MET: variants seen among roughly 807,000 people sequenced by gnomAD.
MET encodes the protein MET proto-oncogene, receptor tyrosine kinase.
MET carries 48 observed loss-of-function variants against 133.1 expected under a neutral mutation model. That is an observed-to-expected ratio of 0.36 (90% confidence interval 0.29 to 0.46). The LOEUF is 0.46. MET is among the 20% of genes least tolerant of loss of function. The probability of loss-of-function intolerance (pLI) is 1.00; values close to 1 mark genes in which losing one functional copy is unlikely to be tolerated. For synonymous variants in MET, 628 were observed against 616.5 expected (o/e 1.02, Z -0.28); for missense variants, 1,442 against 1,695.9 (o/e 0.85, Z 2.63).
At chr7:116,756,940 T>C (rs1794201102) in intron 6 of MET, among the ~76,000 whole-genome samples, 1 of 152,088 alleles carries the variant, frequency 6.6e-6, no homozygotes, top group Non-Finnish European at 1.5e-5. Context: ...ATGTAAAGTT[T>C]AGTATAAGCA....
At chr7:116,713,123 C>T (rs1247646572) in intron 2 of MET, among the ~76,000 whole-genome samples, 5 of 152,126 alleles carry the variant, frequency 3.3e-5, no homozygotes, top group African/African-American at 9.7e-5. Flanking sequence ...AGGCCGGGCG[C>T]GGTGGCTCAC....
chr7:116,752,111 G>A (rs1781949106), intron 5 of MET, among the ~76,000 whole-genome samples: 1 of 152,036 alleles, frequency 6.6e-6, no homozygotes, highest in South Asian at 2.1e-4. Context: ...TGAGACAACA[G>A]AACTATTCAT....
At chr7:116,763,355 C>G (rs1384366777) in intron 11 of MET, 87 bp downstream of exon 11, 2 of 1,208,106 alleles carry the variant, frequency 1.7e-6, no homozygotes, top group African/African-American at 1.5e-5. Context: ...TTGTACTTGG[C>G]CATTGTATCT....
At chr7:116,792,437 G>A (rs980048758) in intron 19 of MET, among the ~76,000 whole-genome samples, 4 of 41,628 alleles carry the variant, frequency 9.6e-5, no homozygotes, top group Non-Finnish European at 1.8e-4. Context: ...CCTCACCCCC[G>A]ACCCCCCCTC....
rs910873191 is a variant in MET at position 116,763,052 on chromosome 7, A to C, written c.2367A>C (p.Ala789=). 2.5e-6 allele frequency: 4 copies of C among 1,613,386 alleles called. No individual in the cohort carries two copies. Among genetic ancestry groups the C allele is most frequent in the African/African-American group, 2.7e-5 (2 of 74,912 alleles). ...TGGATAATTGTGTCTTTCTCTAGGC[A>C]TGTCAACATCGCTCTAATTCAGAGA... ...VHEAGRNFTV[A]CQHRSNSEII... Residue 789 remains alanine, a splice_region_variant and synonymous_variant, in exon 11 of 21, where the codon GCA becomes GCC. Coordinates refer to ENST00000397752, the MANE Select transcript of MET (RefSeq NM_000245.4).
At chr7:116,714,601 G>T (rs553631537) in intron 2 of MET, among the ~76,000 whole-genome samples, 1 of 152,126 alleles carries the variant, frequency 6.6e-6, no homozygotes, top group African/African-American at 2.4e-5. Context: ...TCAATCTTTT[G>T]TCTCCCTATG....
chr7:116,793,653 C>A (rs1795582798), intron 19 of MET, among the ~76,000 whole-genome samples: 1 of 151,790 alleles, frequency 6.6e-6, no homozygotes, highest in African/African-American at 2.4e-5. Flanking sequence ...AATCCCAGCA[C>A]TTTGGGAGGC....
At chr7:116,743,306 G>A (rs1793536036) in intron 5 of MET, among the ~76,000 whole-genome samples, 1 of 152,244 alleles carries the variant, frequency 6.6e-6, no homozygotes, top group Non-Finnish European at 1.5e-5. Flanking sequence ...AAACTGGGCG[G>A]CCATTTGGGC....
chr7:116,778,643 ACT>A (rs1279655452), intron 16 of MET, 131 bp from the exon 17 acceptor site: 7 of 948,610 alleles, frequency 7.4e-6, no homozygotes, highest in African/African-American at 1.6e-5. Flanking sequence ...TAAAAAGAAC[ACT>A]CTGCAGTCAA....
rs1795068335 is a variant in MET at position 116,778,820 on chromosome 7, A to G, written c.3385A>G (p.Ile1129Val). The G allele has an allele frequency of 1.2e-6, 2 of 1,614,076 alleles. No individual in the cohort carries two copies. The highest frequency in any genetic ancestry group is 1.7e-6 in the Non-Finnish European group (2 of 1,179,982). Reference sequence around the variant, plus strand: ...AGTTTCCCAATTTCTGACCGAGGGAATCATCATGAAAGATTTTAGTCATCC... The same window carrying G: ...AGTTTCCCAATTTCTGACCGAGGGAGTCATCATGAAAGATTTTAGTCATCC... The part of the protein sequence containing the change: ...GEVSQFLTEG[I>V]IMKDFSHPNV... The change falls in exon 17 of 21, where the codon ATC (isoleucine) becomes GTC (valine). Residue 1129 changes from isoleucine to valine, a missense_variant. Physicochemically the swap from Ile to Val is conservative, Grantham distance 29. Transcript: ENST00000397752.
intron 12 of MET, among the ~76,000 whole-genome samples, chr7:116,770,537 C>T (rs900859752): frequency 2.0e-5 from 3 of 151,946 alleles, no homozygotes; most frequent in Admixed American, 6.6e-5. Flanking sequence ...TTTTCGTCAC[C>T]CCAAACAGAT....
intron 2 of MET, among the ~76,000 whole-genome samples, chr7:116,701,544 T>G (rs1388200051): frequency 6.6e-6 from 1 of 152,176 alleles, no homozygotes; most frequent in East Asian, 1.9e-4. Flanking sequence ...GTTCATCTTT[T>G]GGTGAACTAA....
chr7:116,784,419 A>G (rs191833020), intron 19 of MET, among the ~76,000 whole-genome samples: 292 of 152,262 alleles, frequency 1.9e-3, no homozygotes, highest in African/African-American at 6.8e-3. Flanking sequence ...ATAAAAAGAG[A>G]TTTAATTGGC....
intron 1 of MET, among the ~76,000 whole-genome samples, chr7:116,682,731 C>T (rs949102878): frequency 3.4e-4 from 52 of 152,154 alleles, no homozygotes; most frequent in African/African-American, 1.2e-3. Context: ...CAATTCATAG[C>T]ACCTGATTCT....
intron 2 of MET, among the ~76,000 whole-genome samples, chr7:116,721,373 C>G (rs1257889335): frequency 6.6e-6 from 1 of 152,050 alleles, no homozygotes; most frequent in Admixed American, 6.6e-5. Flanking sequence ...TGATTCTTCT[C>G]TCTTTTCTTC....
intron 2 of MET, among the ~76,000 whole-genome samples, chr7:116,716,477 G>GAAAGAAAGAAAGA (rs1792225134): frequency 1.3e-4 from 13 of 99,836 alleles, no homozygotes; most frequent in African/African-American, 5.3e-4. Flanking sequence ...GAGAAAGAAA[G>GAAAGAAAGAAAGA]AAAGAAAGAA....
intron 1 of MET, among the ~76,000 whole-genome samples, chr7:116,694,129 G>T (rs1194860722): frequency 6.6e-6 from 1 of 152,096 alleles, no homozygotes; most frequent in Non-Finnish European, 1.5e-5. Context: ...CTTCTAAAAG[G>T]TCTCCCTCCT....
rs559884260 is a variant in MET, at chr7:116,695,671, G to A, written c.-14-3400G>A. 3.6e-4 allele frequency: 140 copies of A among 391,992 alleles called. 1 individual carries two copies. The East Asian group carries it at 5.7e-3, about 16-fold the overall frequency. 24.3% of individuals were successfully genotyped at this position (391,992 alleles called of 1,614,324 possible). A position where few individuals can be genotyped will look rare whatever the true frequency, so the allele number is the denominator to read the frequency against. On this transcript the variant is annotated intron_variant, in intron 1 of 20. Transcript: ENST00000397752. Reference sequence around the variant, plus strand: ...GTTCTTGTTAGCCAGACGTGGAATTGAATCTTGGTTCTAACTGTGTGATTT... The same window carrying A: ...GTTCTTGTTAGCCAGACGTGGAATTAAATCTTGGTTCTAACTGTGTGATTT...
chr7:116,680,143 T>C (rs757365058), intron 1 of MET, among the ~76,000 whole-genome samples: 2 of 152,202 alleles, frequency 1.3e-5, no homozygotes, highest in Non-Finnish European at 2.9e-5. Context: ...TTCTCTTAGG[T>C]TAACCTGAAG....
Sources: allele counts gnomAD v4.1 joint callset (sites outside exome capture counted in the v4.1 genomes callset), GRCh38; gene constraint gnomAD v4.1.1; transcripts MANE v1.5; gene names NCBI Gene and HGNC (gene_info 2026-07-23, HGNC 2026-07-21).